The following ARIH1 variants were observed in gnomAD, a reference collection of about 807,000 sequenced individuals.
ARIH1 encodes the protein E3 ubiquitin-protein ligase ARIH1.
ARIH1 carries 8 observed loss-of-function variants against 85.0 expected under a neutral mutation model. The ratio of observed to expected loss-of-function variants is 0.09; its 90% CI spans 0.06 to 0.17. The LOEUF (loss-of-function observed/expected upper bound fraction) is 0.17. Ranked by LOEUF, ARIH1 falls within the 10% of genes least tolerant of loss-of-function variation. The pLI, the probability that ARIH1 is intolerant of heterozygous loss-of-function variation, is 1.00. For missense variants in ARIH1, 311 were observed against 718.1 expected (o/e 0.43, Z 6.48); for synonymous variants, 238 against 253.6 (o/e 0.94, Z 0.59).
intron 11 of ARIH1, 162 bp downstream of exon 11, chr15:72,572,327 T>G (rs1203667904): frequency 2.0e-6 from 1 of 489,162 alleles, no homozygotes; most frequent in Non-Finnish European, 3.6e-6. Context: ...AACCTCCACC[T>G]CCTGGGTTCA....
chr15:72,514,113 T>TA (rs1225657834), intron 1 of ARIH1, among the ~76,000 whole-genome samples: 6 of 151,696 alleles, frequency 4.0e-5, no homozygotes, highest in Non-Finnish European at 8.8e-5. Flanking sequence ...GCACTGAAAT[T>TA]AGAGGCATGA....
At chr15:72,562,775 A>C (rs1336054772) in intron 6 of ARIH1, among the ~76,000 whole-genome samples, 1 of 151,970 alleles carries the variant, frequency 6.6e-6, no homozygotes, top group Non-Finnish European at 1.5e-5. Context: ...TAAATAAATT[A>C]GTGGTTTTTA....
chr15:72,493,857 T>C (rs914618237), intron 1 of ARIH1, among the ~76,000 whole-genome samples: 1 of 150,740 alleles, frequency 6.6e-6, no homozygotes, highest in Admixed American at 6.7e-5. Context: ...AGTGACTGTT[T>C]ATAAACTTTT....
intron 1 of ARIH1, among the ~76,000 whole-genome samples, chr15:72,513,044 A>G (rs1348760908): frequency 1.3e-5 from 2 of 152,130 alleles, no homozygotes; most frequent in Non-Finnish European, 2.9e-5. Flanking sequence ...GTATATATCA[A>G]TCATTACATT....
chr15:72,577,436 G>T (rs949722461), intron 11 of ARIH1, among the ~76,000 whole-genome samples: 1 of 152,104 alleles, frequency 6.6e-6, no homozygotes, highest in African/African-American at 2.4e-5. Context: ...ACTTTGGGAA[G>T]CTGAGGTGGG....
At chr15:72,555,425 A>C in intron 4 of ARIH1, 62 bp downstream of exon 4, 1 of 1,133,242 alleles carries the variant, frequency 8.8e-7, no homozygotes, top group Middle Eastern at 2.6e-4. Context: ...AGACCCTTGC[A>C]CAAATTTGCA....
At chr15:72,522,455 G>A (rs1463453034) in intron 2 of ARIH1, among the ~76,000 whole-genome samples, 1 of 152,198 alleles carries the variant, frequency 6.6e-6, no homozygotes, top group Non-Finnish European at 1.5e-5. Flanking sequence ...GGGAGGCTGA[G>A]GTTGTGGTGA....
chr15:72,503,364 C>T (rs1319254704), intron 1 of ARIH1, among the ~76,000 whole-genome samples: 1 of 152,190 alleles, frequency 6.6e-6, no homozygotes, highest in African/African-American at 2.4e-5. Flanking sequence ...CATCCCCTAG[C>T]TGGGTATTTA....
chr15:72,570,862 C>T (rs941623658), intron 10 of ARIH1, among the ~76,000 whole-genome samples: 1 of 152,112 alleles, frequency 6.6e-6, no homozygotes, highest in African/African-American at 2.4e-5. Flanking sequence ...GGCACGGTGG[C>T]TCACACCTGT....
At chr15:72,567,256 T>G in intron 9 of ARIH1, 79 bp downstream of exon 9, 1 of 1,092,946 alleles carries the variant, frequency 9.1e-7, no homozygotes, top group Non-Finnish European at 1.3e-6. Context: ...AGCAATGAGG[T>G]GACCTACTTA....
intron 3 of ARIH1, among the ~76,000 whole-genome samples, chr15:72,545,560 C>CT (rs1406480172): frequency 1.3e-5 from 2 of 152,246 alleles, no homozygotes; most frequent in African/African-American, 4.8e-5. Flanking sequence ...GACTCAGTGG[C>CT]TCATGCCTAT....
At chr15:72,479,641 C>T (rs954431616) in intron 1 of ARIH1, among the ~76,000 whole-genome samples, 4 of 152,052 alleles carry the variant, frequency 2.6e-5, no homozygotes, top group South Asian at 2.1e-4. Context: ...CTCTTGACCT[C>T]GTGATCCGCC....
At chr15:72,562,220 T>C (rs2064200351) in intron 6 of ARIH1, among the ~76,000 whole-genome samples, 1 of 152,244 alleles carries the variant, frequency 6.6e-6, no homozygotes, top group South Asian at 2.1e-4. Context: ...TAAAGAATGC[T>C]ATCCTTTATT....
At chr15:72,571,648 T>C (rs1321569904) in intron 10 of ARIH1, among the ~76,000 whole-genome samples, 1 of 152,210 alleles carries the variant, frequency 6.6e-6, no homozygotes, top group Non-Finnish European at 1.5e-5. Flanking sequence ...CTGTGGTTTA[T>C]AAAAGAGCAG....
At chr15:72,572,760 T>C (rs980713871) in intron 11 of ARIH1, among the ~76,000 whole-genome samples, 9 of 152,250 alleles carry the variant, frequency 5.9e-5, no homozygotes, top group African/African-American at 1.7e-4. Context: ...ATTTGTTAAA[T>C]GGCCCTGGTG....
At chr15:72,499,124 C>G (rs1170910762) in intron 1 of ARIH1, among the ~76,000 whole-genome samples, 2 of 151,428 alleles carry the variant, frequency 1.3e-5, no homozygotes, top group African/African-American at 4.9e-5. Context: ...GGGAGGCGCA[C>G]GCCACCACAC....
At chr15:72,478,930 T>G (rs560177558) in intron 1 of ARIH1, among the ~76,000 whole-genome samples, 2 of 152,294 alleles carry the variant, frequency 1.3e-5, no homozygotes, top group East Asian at 3.9e-4. Flanking sequence ...CTCAACTTCC[T>G]GAGCTAAAGT....
intron 1 of ARIH1, among the ~76,000 whole-genome samples, chr15:72,493,389 G>A (rs2063867199): frequency 6.6e-6 from 1 of 152,074 alleles, no homozygotes; most frequent in Non-Finnish European, 1.5e-5. Flanking sequence ...GTGCATGTCT[G>A]TTCAGGCAAA....
At chr15:72,562,119 T>C (rs958674105) in intron 6 of ARIH1, among the ~76,000 whole-genome samples, 1 of 152,240 alleles carries the variant, frequency 6.6e-6, no homozygotes. Flanking sequence ...TGTAGTAGAT[T>C]ACTAATCGTG....
Sources: gnomAD v4.1 joint callset for allele counts (sites outside exome capture counted in the v4.1 genomes callset) on GRCh38, gnomAD v4.1.1 for gene constraint, MANE v1.5 for transcripts, NCBI Gene and HGNC (gene_info 2026-07-23, HGNC 2026-07-21) for gene names.